DGKH: variants seen among roughly 807,000 people sequenced by gnomAD.
DGKH encodes the protein DAG kinase eta.
A neutral mutation model predicts 159.3 loss-of-function variants in DGKH; 90 were observed. That is an observed-to-expected ratio of 0.57 (90% CI 0.48 to 0.67). The LOEUF (loss-of-function observed/expected upper bound fraction) is 0.67, where lower values mean the gene tolerates loss of function less well. Ranked by LOEUF, DGKH falls within the 30% of genes least tolerant of loss-of-function variation. DGKH has a pLI of 0.00. For synonymous variants in DGKH, 536 were observed against 553.8 expected, an observed-to-expected ratio of 0.97 and a Z score of 0.45; for missense variants, 1,181 against 1,506.1, an observed-to-expected ratio of 0.78 and a Z score of 3.57.
intron 20 of DGKH, among the ~76,000 whole-genome samples, chr13:42,201,568 T>C (rs1957347174): frequency 6.6e-6 from 1 of 152,196 alleles, no homozygotes; most frequent in African/African-American, 2.4e-5. Context: ...TTGAACAAGA[T>C]ATCTTATTTA....
intron 13 of DGKH, among the ~76,000 whole-genome samples, chr13:42,178,444 A>C (rs1956662937): frequency 6.6e-6 from 1 of 152,140 alleles, no homozygotes; most frequent in Non-Finnish European, 1.5e-5. Flanking sequence ...AATTTGAAAC[A>C]TTTTTATCAA....
At chr13:42,040,976 T>A (rs1880462400) in intron 1 of DGKH, among the ~76,000 whole-genome samples, 1 of 149,164 alleles carries the variant, frequency 6.7e-6, no homozygotes, top group South Asian at 2.1e-4. Context: ...CCCCTCCCGC[T>A]TCTCCTTTGC....
intron 11 of DGKH, among the ~76,000 whole-genome samples, chr13:42,172,756 C>A (rs1956495113): frequency 6.6e-6 from 1 of 152,112 alleles, no homozygotes; most frequent in Non-Finnish European, 1.5e-5. Flanking sequence ...TCACTGCAAC[C>A]TCTGCCTCGC....
In DGKH at chr13:42,190,413, C is replaced by T. The variant is rs1477336029; in HGVS notation, c.1923C>T (p.Asp641=). The T allele has an allele frequency of 1.2e-6, 2 of 1,607,008 alleles. No individual in the cohort carries two copies. The highest frequency in any genetic ancestry group is 1.3e-5 in the African/African-American group (1 of 74,534). The part of the protein sequence containing the change: ...VIEEAGKVMD[D]PTVHPCEPAN... ...TCTTACTACCTGAAGTTATGGATGA[C>T]CCGACAGTTCACCCCTGTGAACCAG... Residue 641 remains aspartate (D), a synonymous_variant, in exon 16 of 30, where the codon GAC becomes GAT. Coordinates refer to ENST00000337343, the MANE Select transcript of DGKH (RefSeq NM_178009.5).
chr13:42,080,931 C>G (rs906938914), intron 1 of DGKH, among the ~76,000 whole-genome samples: 4 of 152,002 alleles, frequency 2.6e-5, no homozygotes. Context: ...ACTTTACAGG[C>G]GAGGAAACTA....
chr13:42,063,248 A>G (rs1422441197), intron 1 of DGKH, among the ~76,000 whole-genome samples: 1 of 152,160 alleles, frequency 6.6e-6, no homozygotes, highest in African/African-American at 2.4e-5. Context: ...AGAACAGCAA[A>G]TGCAAAGGTT....
Position 42,072,230 on chromosome 13 carries a change from A to G in DGKH, c.192+23265A>G, listed in dbSNP as rs74902983. Among the ~76,000 whole-genome samples, 6 of 152,206 alleles carry G rather than the reference A, an allele frequency of 3.9e-5. No individual in the cohort carries two copies. The East Asian group carries it at 1.2e-3, about 29-fold the overall frequency. On this transcript the variant is annotated intron_variant, in intron 1 of 29. Coordinates refer to ENST00000337343, the MANE Select transcript of DGKH (RefSeq NM_178009.5). ...GCAATGCAGTGTTGTGGTTAAGATC[A>G]TGGACTTTGTGTTTTGAGAAAGGCC... is the stretch of plus-strand genomic sequence containing the variant.
intron 1 of DGKH, among the ~76,000 whole-genome samples, chr13:42,063,125 A>T (rs1461317022): frequency 6.6e-6 from 1 of 152,188 alleles, no homozygotes. Context: ...TGGACCTTTG[A>T]AAAAGGTCTT....
intron 26 of DGKH, among the ~76,000 whole-genome samples, chr13:42,217,735 T>G (rs556479736): frequency 6.6e-6 from 1 of 152,222 alleles, no homozygotes; most frequent in East Asian, 1.9e-4. Flanking sequence ...AGAAGAGACC[T>G]CAAAAATAAT....
chr13:42,048,053 C>G (rs1880923799), upstream of DGKH, among the ~76,000 whole-genome samples: 1 of 150,306 alleles, frequency 6.7e-6, no homozygotes, highest in Non-Finnish European at 1.5e-5. The surrounding 1 kb of genome is among the most constrained non-coding windows in gnomAD (Gnocchi z 6.7). Flanking sequence ...CTGAACGCCG[C>G]CGTCAGGAGA....
At chr13:42,040,422 G>T (rs1403204260) in intron 1 of DGKH, among the ~76,000 whole-genome samples, 1 of 152,032 alleles carries the variant, frequency 6.6e-6, no homozygotes, top group African/African-American at 2.4e-5. Flanking sequence ...ACCACCCGGC[G>T]GCCGCTTTCG....
chr13:42,249,031 T>C (rs1388255292), intron 29 of DGKH, among the ~76,000 whole-genome samples: 1 of 152,240 alleles, frequency 6.6e-6, no homozygotes, highest in African/African-American at 2.4e-5. Context: ...ATAGCACTTA[T>C]GTACATGCAA....
chr13:42,162,141 C>T (rs942158732), intron 7 of DGKH, among the ~76,000 whole-genome samples: 3 of 152,180 alleles, frequency 2.0e-5, no homozygotes, highest in Admixed American at 6.5e-5. Context: ...GCTACCATCA[C>T]CTTATAGCAC....
At chr13:42,071,803 C>T (rs1489679592) in intron 1 of DGKH, among the ~76,000 whole-genome samples, 3 of 152,194 alleles carry the variant, frequency 2.0e-5, no homozygotes, top group Non-Finnish European at 4.4e-5. Flanking sequence ...TCTGGCTGTG[C>T]TGGCGGCAGT....
chr13:42,170,269 C>T (rs1289192367), intron 11 of DGKH, among the ~76,000 whole-genome samples: 2 of 152,120 alleles, frequency 1.3e-5, no homozygotes, highest in African/African-American at 4.8e-5. Flanking sequence ...ACTTCTCAGT[C>T]GGGGGAGGTG....
intron 17 of DGKH, 113 bp from the exon 18 acceptor site, chr13:42,198,365 A>G: frequency 1.3e-6 from 1 of 793,224 alleles, no homozygotes; most frequent in East Asian, 2.6e-5. Flanking sequence ...GAAATAAGGC[A>G]CTGAAAACCT....
chr13:42,097,380 C>T (rs1447745254), intron 1 of DGKH, among the ~76,000 whole-genome samples: 2 of 152,268 alleles, frequency 1.3e-5, no homozygotes, highest in South Asian at 2.1e-4. Flanking sequence ...CCCTTGAAGC[C>T]GACTGGAATC....
intron 1 of DGKH, among the ~76,000 whole-genome samples, chr13:42,125,003 A>G (rs1272241321): frequency 6.6e-6 from 1 of 152,204 alleles, no homozygotes; most frequent in African/African-American, 2.4e-5. Flanking sequence ...ATGTGCAGCT[A>G]GACCCTCCCC....
At chr13:42,126,102 C>T (rs1955165498) in intron 1 of DGKH, among the ~76,000 whole-genome samples, 1 of 152,122 alleles carries the variant, frequency 6.6e-6, no homozygotes, top group Admixed American at 6.6e-5. Flanking sequence ...GTGTAGTTTG[C>T]TTTCTTTTTT....
Sources: allele counts gnomAD v4.1 joint callset (sites outside exome capture counted in the v4.1 genomes callset), GRCh38; gene constraint gnomAD v4.1.1; non-coding constraint Gnocchi (gnomAD v3.1); transcripts MANE v1.5; gene names NCBI Gene and HGNC (gene_info 2026-07-23, HGNC 2026-07-21).